MYBPH: variants seen among roughly 807,000 people sequenced by gnomAD.
MYBPH encodes the protein myosin binding protein H.
MYBPH carries 49 observed loss-of-function variants against 53.6 expected under a neutral mutation model. The observed-to-expected ratio is 0.91, with a 90% confidence interval of 0.73 to 1.16. The LOEUF (loss-of-function observed/expected upper bound fraction) is 1.16, where lower values mean the gene tolerates loss of function less well. Among genes scored for constraint, MYBPH ranks in the 50% most tolerant of loss-of-function variants. The pLI is 0.00. For synonymous variants in MYBPH, 239 were observed against 249.6 expected, an observed-to-expected ratio of 0.96 and a Z score of 0.40; for missense variants, 558 against 624.1, an observed-to-expected ratio of 0.89 and a Z score of 1.13.
Position 203,173,036 on chromosome 1 carries a change from C to A in MYBPH, c.509-996G>T, listed in dbSNP as rs3766547. ...AGAGACAGCTGAGCAGCCAAGGATC[C>A]TGGACAGGGCCCCCACTCTGCCCTG... On this transcript the variant is annotated intron_variant, in intron 3 of 10. Coordinates refer to ENST00000255416, the MANE Select transcript of MYBPH (RefSeq NM_004997.3). 7.2e-5 allele frequency among the ~76,000 whole-genome samples: 11 copies of A among 152,206 alleles called. No individual in the cohort carries two copies. The South Asian group carries it at 2.1e-3, about 29-fold the overall frequency.
chr1:203,175,823 G>T lies in MYBPH; in HGVS notation c.-68C>A. 6.6e-7 allele frequency: 1 copy of T among 1,525,380 alleles called. No homozygotes were observed. Among genetic ancestry groups the T allele is most frequent in the South Asian group, 1.1e-5 (1 of 88,984 alleles). The allele number at this position is 1,525,380 out of a possible 1,614,324, so 94.5% of individuals were successfully genotyped here. On this transcript the variant is annotated 5_prime_UTR_variant, in exon 1 of 11. Transcript: ENST00000255416. Reference sequence around the variant, plus strand: ...AGCCGTTGGGGGGCCTGGGCCTCTAGGGTGCCTGGGACACCTAGGTCCAGG... The same window carrying T: ...AGCCGTTGGGGGGCCTGGGCCTCTATGGTGCCTGGGACACCTAGGTCCAGG...
rs1655689957 is a variant in MYBPH, at chr1:203,171,265, C to A, written c.794-65G>T. 3 of 1,550,112 alleles carry A rather than the reference C, an allele frequency of 1.9e-6. No individual in the cohort carries two copies. The Admixed American group carries it at 5.6e-5, about 29-fold the overall frequency. On this transcript the variant is annotated intron_variant, in intron 5 of 10. Coordinates refer to ENST00000255416, the MANE Select transcript of MYBPH (RefSeq NM_004997.3). The surrounding 1 kb of genome is among the most constrained non-coding windows in gnomAD (Gnocchi z 4.2). Reference sequence around the variant, plus strand: ...CAGGCTGGCCACAGAGCCCCCACACCCAAAATTTGGCTCTTGCCACACTCC... The same window carrying A: ...CAGGCTGGCCACAGAGCCCCCACACACAAAATTTGGCTCTTGCCACACTCC...
At chr1:203,174,762 C>T (rs1252782442) in intron 2 of MYBPH, among the ~76,000 whole-genome samples, 165 bp from the exon 3 acceptor site, 6 of 152,148 alleles carry the variant, frequency 3.9e-5, no homozygotes, top group African/African-American at 1.4e-4. Flanking sequence ...GCATCAAAGA[C>T]ACCTGATGTT....
At chr1:203,179,029 G>A (rs1655869348), upstream of MYBPH, 1 of 160,342 alleles carries the variant, frequency 6.2e-6, no homozygotes, top group African/African-American at 2.4e-5. Context: ...GTTTCAAGCT[G>A]GGCTTTGCAG....
At chr1:203,168,318 C>T (rs1655622493) in intron 10 of MYBPH, among the ~76,000 whole-genome samples, 1 of 152,308 alleles carries the variant, frequency 6.6e-6, no homozygotes, top group African/African-American at 2.4e-5. Context: ...GGTTGTTATC[C>T]CCAGTTTTCG....
chr1:203,172,243 G>A (rs2102190789), intron 3 of MYBPH, among the ~76,000 whole-genome samples: 1 of 152,228 alleles, frequency 6.6e-6, no homozygotes, highest in South Asian at 2.1e-4. Flanking sequence ...TAAGGGAGCA[G>A]GAGGTTTCAG....
chr1:203,176,053 A>G (rs1042393796), upstream of MYBPH, among the ~76,000 whole-genome samples: 16 of 151,884 alleles, frequency 1.1e-4, no homozygotes, highest in Non-Finnish European at 2.1e-4. Context: ...CAGCTGGGGG[A>G]GGGCGCAGAT....
At chr1:203,168,725 A>G (rs919077313) in intron 9 of MYBPH, 50 bp from the exon 10 acceptor site, 2 of 1,587,606 alleles carry the variant, frequency 1.3e-6, no homozygotes, top group Non-Finnish European at 1.7e-6. Flanking sequence ...GGGGAACTGG[A>G]AAGTTCACGG....
At chr1:203,176,032 G>A (rs1246963520), upstream of MYBPH, among the ~76,000 whole-genome samples, 1 of 152,214 alleles carries the variant, frequency 6.6e-6, no homozygotes, top group Non-Finnish European at 1.5e-5. Flanking sequence ...AACAGCCAGG[G>A]TGCTGGTGCC....
rs1490591737 is a variant in MYBPH at position 203,175,591 on chromosome 1, A to G, written c.165T>C (p.Pro55=). 1 of 1,613,686 alleles carries G rather than the reference A, an allele frequency of 6.2e-7. No homozygotes were observed. Among genetic ancestry groups the G allele is most frequent in the Non-Finnish European group, 8.5e-7 (1 of 1,179,982 alleles). The change falls in exon 1 of 11, where the codon CCT becomes CCC. Residue 55 remains proline (P), a synonymous_variant. Coordinates refer to ENST00000255416, the MANE Select transcript of MYBPH (RefSeq NM_004997.3). ...PKPQAPAPQA[P]TASTATKPAP... ...CAGGCTTAGTGGCTGTGGAGGCTGT[A>G]GGGGCCTGTGGGGCAGGGGCCTGCG...
At position 203,170,975 on chromosome 1, in the gene MYBPH, T is replaced by C; in HGVS notation, c.933+86A>G. On this transcript the variant is annotated intron_variant, in intron 6 of 10. Transcript: ENST00000255416. ...GCAGACCAGAACTCGATCCCTAGAC[T>C]CGGTCCCTAGACTCAGTGGGATGGG... The C allele has an allele frequency of 2.0e-6, 3 of 1,487,662 alleles. No individual in the cohort carries two copies. In the South Asian group the frequency reaches 4.2e-5, roughly 21 times the overall value. 92.2% of individuals were successfully genotyped at this position (1,487,662 alleles called of 1,614,324 possible).
At chr1:203,175,218 C>T (rs1205878270) in intron 2 of MYBPH, 109 bp downstream of exon 2, 2 of 1,342,044 alleles carry the variant, frequency 1.5e-6, no homozygotes, top group African/African-American at 2.9e-5. Context: ...CGCATCCCCT[C>T]CTTCTGTATC....
chr1:203,168,546 C>G, intron 10 of MYBPH, 81 bp downstream of exon 10: 1 of 1,419,492 alleles, frequency 7.0e-7, no homozygotes, highest in South Asian at 1.2e-5. Flanking sequence ...TCCCTTCTCA[C>G]CCCAACCCCC....
chr1:203,173,206 C>T (rs942605584), intron 3 of MYBPH, among the ~76,000 whole-genome samples: 1 of 152,224 alleles, frequency 6.6e-6, no homozygotes, highest in Admixed American at 6.5e-5. Context: ...CCTCAGGGGC[C>T]TCTCAGAGTC....
Position 203,171,893 on chromosome 1 carries a change from C to G in MYBPH, c.597+59G>C. ...AGACCCTGCCATCTCCCAGGCTCCC[C>G]TTAAATGGGGGCCCTGGTTCCCACC... On this transcript the variant is annotated intron_variant, in intron 4 of 10. Transcript: ENST00000255416. This position sits in a 1 kb window ranked among gnomAD's most constrained non-coding sequence, Gnocchi z 4.2. 1 of 1,148,788 alleles carries G rather than the reference C, an allele frequency of 8.7e-7. No individual in the cohort carries two copies. Among genetic ancestry groups the G allele is most frequent in the Non-Finnish European group, 1.1e-6 (1 of 885,552 alleles). 71.2% of individuals were successfully genotyped at this position (1,148,788 alleles called of 1,614,324 possible).
chr1:203,176,092 G>C (rs2071013), upstream of MYBPH, among the ~76,000 whole-genome samples: 10 of 152,314 alleles, frequency 6.6e-5, no homozygotes, highest in African/African-American at 2.4e-4. Flanking sequence ...AGCAGGCCGC[G>C]TGCCAGGTGT....
chr1:203,169,082 A>G lies in MYBPH; in HGVS notation c.1241T>C (p.Ile414Thr). 2 of 1,613,896 alleles carry G rather than the reference A, an allele frequency of 1.2e-6. No homozygotes were observed. Among genetic ancestry groups the G allele is most frequent in the Non-Finnish European group, 1.7e-6 (2 of 1,179,972 alleles). ...SVRASPKPKI[I>T]WMKNKMEIQG... ...GATCTCCATCTTGTTTTTCATCCAG[A>G]TGATCTTGGGCTGGGAGACATGGTC... Residue 414 changes from isoleucine (I) to threonine (T), a missense_variant, in exon 9 of 11, where the codon ATC becomes ACC. Transcript: ENST00000255416.
rs1478653539 is a variant in MYBPH at position 203,171,255 on chromosome 1, GC to G, written c.794-56del. The G allele has an allele frequency of 6.4e-7, 1 of 1,552,028 alleles. No homozygotes were observed. The highest frequency in any genetic ancestry group is 1.9e-5 in the Admixed American group (1 of 53,550). On this transcript the variant is annotated intron_variant, in intron 5 of 10. Coordinates refer to ENST00000255416, the MANE Select transcript of MYBPH (RefSeq NM_004997.3). This position sits in a 1 kb window ranked among gnomAD's most constrained non-coding sequence, Gnocchi z 4.2. ...GTGTGAGGGCCAGGCTGGCCACAGA[GC>G]CCCCACACCCAAAATTTGGCTCTTG... is the stretch of plus-strand genomic sequence containing the variant.
chr1:203,174,072 C>T (rs2855403), intron 3 of MYBPH, among the ~76,000 whole-genome samples: 1 of 152,166 alleles, frequency 6.6e-6, no homozygotes, highest in African/African-American at 2.4e-5. Context: ...AGGAAATGGG[C>T]AGAAAATGAG....
Sources: allele counts gnomAD v4.1 joint callset (sites outside exome capture counted in the v4.1 genomes callset), GRCh38; gene constraint gnomAD v4.1.1; non-coding constraint Gnocchi (gnomAD v3.1); transcripts MANE v1.5; gene names NCBI Gene and HGNC (gene_info 2026-07-23, HGNC 2026-07-21).